The following LAMA1 variants were observed in gnomAD, a reference collection of about 807,000 sequenced individuals.
LAMA1 encodes the protein laminin subunit alpha 1.
In LAMA1, 219 loss-of-function variants were observed where a neutral mutation model predicts 348.7. The observed-to-expected ratio is 0.63, with a 90% CI of 0.56 to 0.70. The LOEUF (loss-of-function observed/expected upper bound fraction) is 0.70. LAMA1 is among the 30% of genes least tolerant of loss of function. The pLI, the probability that LAMA1 is intolerant of heterozygous loss-of-function variation, is 0.00. For synonymous variants in LAMA1, 1,487 were observed against 1,491.0 expected (o/e 1.00, Z 0.06); for missense variants, 3,744 against 3,888.0 (o/e 0.96, Z 0.99).
chr18:7,083,557 TA>T, intron 1 of LAMA1, among the ~76,000 whole-genome samples: 1 of 152,184 alleles, frequency 6.6e-6, no homozygotes, highest in East Asian at 1.9e-4. Flanking sequence ...TATACTTCAT[TA>T]GCATGCCTAT....
chr18:7,092,486 C>T (rs1402438369), intron 1 of LAMA1, among the ~76,000 whole-genome samples: 4 of 151,968 alleles, frequency 2.6e-5, no homozygotes, highest in African/African-American at 4.8e-5. Flanking sequence ...ATTAGCCGGG[C>T]GTGGTGGCAC....
rs1447244642 is a variant in LAMA1, at chr18:6,993,637, C to T, written c.5008+4G>A. The stretch of plus-strand genomic sequence containing the variant: ...TACTTCAAACTAGACACTGCCCACA[C>T]TACCTGTGATGCTCATCTGCAGCCT... On this transcript the variant is annotated splice_donor_region_variant and intron_variant, in intron 35 of 62. Transcript: ENST00000389658. The T allele has an allele frequency of 6.3e-7, 1 of 1,596,304 alleles. No individual in the cohort carries two copies. Among genetic ancestry groups the T allele is most frequent in the South Asian group, 1.1e-5 (1 of 90,772 alleles).
Position 6,995,954 on chromosome 18 carries a change from T to G in LAMA1, c.4807-508A>C, listed in dbSNP as rs374140966. On this transcript the variant is annotated intron_variant, in intron 33 of 62. Coordinates refer to ENST00000389658, the MANE Select transcript of LAMA1 (RefSeq NM_005559.4). ...GAATACTTTACATAAACACAAAAAG[T>G]TATTTAAAGAAAACGGACAAGTGGT... Among the ~76,000 whole-genome samples the G allele has an allele frequency of 6.4e-4, 97 of 152,284 alleles. No individual in the cohort carries two copies. In the South Asian group the frequency reaches 8.3e-3, roughly 13 times the overall value.
chr18:7,063,230 G>A (rs2143750518), intron 3 of LAMA1, among the ~76,000 whole-genome samples: 1 of 152,142 alleles, frequency 6.6e-6, no homozygotes, highest in African/African-American at 2.4e-5. Context: ...TGGATCCTTG[G>A]TCTATATTCT....
intron 48 of LAMA1, among the ~76,000 whole-genome samples, chr18:6,966,537 A>G (rs937146709): frequency 1.3e-5 from 2 of 152,228 alleles, no homozygotes; most frequent in Non-Finnish European, 2.9e-5. Context: ...TGGTAAAAAT[A>G]CATTTCTTTA....
chr18:6,972,030 C>G (rs757858087), intron 47 of LAMA1, 49 bp from the exon 48 acceptor site: 4 of 1,606,870 alleles, frequency 2.5e-6, no homozygotes, highest in Non-Finnish European at 3.4e-6. Flanking sequence ...GCTGACCAAG[C>G]AAAATACATT....
intron 29 of LAMA1, among the ~76,000 whole-genome samples, chr18:7,003,411 C>T (rs1250356670): frequency 3.3e-5 from 5 of 152,090 alleles, no homozygotes; most frequent in African/African-American, 4.8e-5. Flanking sequence ...CCACCACAAC[C>T]GGCTAATTTT....
chr18:7,038,869 C>T lies in LAMA1; in HGVS notation c.1504G>A (p.Glu502Lys). 6.2e-7 allele frequency: 1 copy of T among 1,614,218 alleles called. No individual in the cohort carries two copies. The highest frequency in any genetic ancestry group is 1.1e-5 in the South Asian group (1 of 91,086). ...LKEKNPRGCS[E>K]CFCFGVSDVC... ...TCAGAAACGCCAAAGCAGAAGCACTCGGAGCAGCCCCGGGGGTTTTTTTCC... is the reference window on the plus strand; with the variant it reads ...TCAGAAACGCCAAAGCAGAAGCACTTGGAGCAGCCCCGGGGGTTTTTTTCC... The change falls in exon 11 of 63, where the codon GAG (glutamate) becomes AAG (lysine). Residue 502 changes from glutamate (E) to lysine (K), a missense_variant. By Grantham distance (56) the Glu-to-Lys change is moderately conservative (BLOSUM62 1). Coordinates refer to ENST00000389658, the MANE Select transcript of LAMA1 (RefSeq NM_005559.4).
intron 17 of LAMA1, among the ~76,000 whole-genome samples, chr18:7,025,656 C>T (rs2057939176): frequency 6.6e-6 from 1 of 152,164 alleles, no homozygotes; most frequent in Admixed American, 6.5e-5. Flanking sequence ...TGTTTTATTC[C>T]TCTCTGTATC....
rs558693763 is a variant in LAMA1 at position 6,973,136 on chromosome 18, T to A, written c.6695A>T (p.Lys2232Ile). 2 of 1,614,152 alleles carry A rather than the reference T, an allele frequency of 1.2e-6. No homozygotes were observed. Among genetic ancestry groups the A allele is most frequent in the East Asian group, 2.2e-5 (1 of 44,890 alleles). The part of the protein sequence containing the change: ...SNQKSPTKTS[K>I]SPGTANVLDV... ...CAGAACATTAGCTGTCCCAGGGGAT[T>A]TACTTGTTTTTGTTGGTGACTTTTG... The change falls in exon 47 of 63, where the codon AAA (lysine) becomes ATA (isoleucine). Residue 2232 changes from lysine to isoleucine, a missense_variant. Around this residue, in one of 3 missense-constraint regions of LAMA1, gnomAD observed 1,983 missense variants for 1,934.3 expected, o/e 1.03. Transcript: ENST00000389658.
rs1222852396 is a variant in LAMA1, at chr18:7,042,178, T to C, written c.1228A>G (p.Ile410Val). ...DPVGSLSSVC[I>V]KDDLHSDLHN... Reference sequence around the variant, plus strand: ...AAGTCAGAATGGAGGTCATCCTTAATACAGACAGAACTGAGGGACCCCACA... The same window carrying C: ...AAGTCAGAATGGAGGTCATCCTTAACACAGACAGAACTGAGGGACCCCACA... The change falls in exon 9 of 63, where the codon ATT (isoleucine) becomes GTT (valine). Residue 410 changes from isoleucine to valine, a missense_variant. Around this residue, in one of 3 missense-constraint regions of LAMA1, gnomAD observed 1,529 missense variants for 1,689.4 expected, o/e 0.91. Transcript: ENST00000389658. The C allele has an allele frequency of 6.2e-7, 1 of 1,612,660 alleles. No homozygotes were observed. Among genetic ancestry groups the C allele is most frequent in the Non-Finnish European group, 8.5e-7 (1 of 1,179,218 alleles).
At chr18:7,002,715 T>C (rs189692556) in intron 29 of LAMA1, among the ~76,000 whole-genome samples, 107 of 152,148 alleles carry the variant, frequency 7.0e-4, no homozygotes, top group African/African-American at 2.4e-3. Flanking sequence ...AAAAAACAAT[T>C]TGAAGCACCA....
intron 1 of LAMA1, among the ~76,000 whole-genome samples, chr18:7,099,791 G>A (rs796417181): frequency 4.6e-5 from 7 of 151,968 alleles, no homozygotes; most frequent in African/African-American, 1.7e-4. Flanking sequence ...AGGCACGGTG[G>A]TTCACACCTG....
chr18:7,041,262 A>G (rs2058019321), intron 9 of LAMA1, among the ~76,000 whole-genome samples: 1 of 152,200 alleles, frequency 6.6e-6, no homozygotes, highest in Non-Finnish European at 1.5e-5. Flanking sequence ...GACTGCTCTG[A>G]GCTACAGCAA....
At chr18:7,007,864 C>T (rs531916946) in intron 28 of LAMA1, among the ~76,000 whole-genome samples, 50 of 152,116 alleles carry the variant, frequency 3.3e-4, no homozygotes, top group Admixed American at 5.2e-4. Flanking sequence ...GGACATTATG[C>T]TAAGTGAAAC....
chr18:6,959,313 T>G (rs1218858891), intron 54 of LAMA1, 28 bp downstream of exon 54: 1 of 1,613,842 alleles, frequency 6.2e-7, no homozygotes, highest in Non-Finnish European at 8.5e-7. Context: ...ACACCTTCAT[T>G]ACACACTGCC....
At chr18:7,020,364 A>T (rs9955793) in intron 19 of LAMA1, among the ~76,000 whole-genome samples, 5,898 of 152,212 alleles carry the variant, frequency 0.039, 397 homozygotes, top group African/African-American at 0.14. Context: ...TACTGGGTTG[A>T]ACTATACGCG....
intron 57 of LAMA1, among the ~76,000 whole-genome samples, chr18:6,951,186 C>G (rs936131782): frequency 6.6e-6 from 1 of 152,150 alleles, no homozygotes; most frequent in Non-Finnish European, 1.5e-5. Flanking sequence ...GAGGATAAAG[C>G]TGTGAACAAA....
intron 60 of LAMA1, 22 bp downstream of exon 60, chr18:6,948,381 C>T (rs183369542): frequency 1.1e-5 from 17 of 1,614,122 alleles, no homozygotes; most frequent in Admixed American, 8.3e-5. Flanking sequence ...GGACTGCCTT[C>T]GAGAGTGTTG....
Sources: gnomAD v4.1 joint callset for allele counts (sites outside exome capture counted in the v4.1 genomes callset) on GRCh38, gnomAD v4.1.1 for gene constraint, gnomAD v4.1.1 regional missense constraint, MANE v1.5 for transcripts, NCBI Gene and HGNC (gene_info 2026-07-23, HGNC 2026-07-21) for gene names.